SLAMF1: variants seen among roughly 807,000 people sequenced by gnomAD.
SLAMF1 encodes signaling lymphocytic activation molecule family member 1, also known as signaling lymphocytic activation molecule.
SLAMF1 carries 18 observed loss-of-function variants against 35.1 expected under a neutral mutation model. That is an observed-to-expected ratio of 0.51 (90% CI 0.35 to 0.76). The LOEUF (loss-of-function observed/expected upper bound fraction) is 0.76. SLAMF1 is among the 30% of genes least tolerant of loss of function. The pLI, the probability that SLAMF1 is intolerant of heterozygous loss-of-function variation, is 0.01. For synonymous variants in SLAMF1, 168 were observed against 157.2 expected (o/e 1.07, Z -0.51); for missense variants, 392 against 413.0 (o/e 0.95, Z 0.44).
In SLAMF1 at chr1:160,637,495, C is replaced by T. The variant is rs375835133; in HGVS notation, c.111G>A (p.Arg37=). 4.5e-4 allele frequency: 726 copies of T among 1,612,564 alleles called. 10 individuals carry two copies. The South Asian group carries it at 7.6e-3, about 17-fold the overall frequency. The change falls in exon 2 of 7, where the codon CGG becomes CGA. Residue 37 remains arginine, a synonymous_variant. Coordinates refer to ENST00000302035, the MANE Select transcript of SLAMF1 (RefSeq NM_003037.5). ...GCAGCAGCACTTTGCTTCCCAACTG[C>T]CGGAGAATCTTTGGGCAGTTCATCA... ...GRMMNCPKIL[R]QLGSKVLLPL...
intron 3 of SLAMF1, among the ~76,000 whole-genome samples, chr1:160,632,806 T>C (rs966618595): frequency 2.0e-5 from 3 of 152,210 alleles, no homozygotes; most frequent in African/African-American, 7.2e-5. Flanking sequence ...ATTTTTATTA[T>C]GGTTTATAAG....
chr1:160,619,649 T>C (rs576592398), intron 5 of SLAMF1, 127 bp downstream of exon 5: 16 of 714,970 alleles, frequency 2.2e-5, no homozygotes, highest in Non-Finnish European at 4.0e-5. Context: ...CTCTTGTTCT[T>C]GACTCCTGTT....
In SLAMF1 at chr1:160,615,708, A is replaced by G. The variant is rs139116513; in HGVS notation, c.865-3128T>C. The G allele has an allele frequency of 1.7e-3, 575 of 331,858 alleles. 7 individuals carry two copies. Among genetic ancestry groups the G allele is most frequent in the African/African-American group, 0.012 (526 of 45,228 alleles). The allele number at this position is 331,858 out of a possible 1,614,324, so 20.6% of individuals were successfully genotyped here. ...TAAAGGTCTTCACAGATGTCAAGAT[A>G]AGGATTTCAAAATAAGGTCATCCTG... On this transcript the variant is annotated intron_variant, in intron 5 of 6. Coordinates refer to ENST00000302035, the MANE Select transcript of SLAMF1 (RefSeq NM_003037.5).
intron 5 of SLAMF1, among the ~76,000 whole-genome samples, chr1:160,619,035 C>T (rs549742247): frequency 6.6e-6 from 1 of 152,312 alleles, no homozygotes; most frequent in South Asian, 2.1e-4. Context: ...TTCTAAGGTA[C>T]TATCAAAACC....
In SLAMF1 at chr1:160,642,014, ACT is replaced by A. The variant is rs576721806; in HGVS notation, c.77-4487_77-4486del. Among the ~76,000 whole-genome samples the A allele has an allele frequency of 1.7e-4, 26 of 151,766 alleles. No homozygotes were observed. The East Asian group carries it at 4.1e-3, about 24-fold the overall frequency. On this transcript the variant is annotated intron_variant, in intron 1 of 6. Transcript: ENST00000302035. The surrounding 1 kb of genome is among the most constrained non-coding windows in gnomAD (Gnocchi z 4.2). The stretch of plus-strand genomic sequence containing the variant: ...CAAGATGGGCTTCTACCTAATGATA[ACT>A]CTTTTTGTTTTATTGTATTATATTT...
chr1:160,641,503 T>C (rs1660744916), intron 1 of SLAMF1, among the ~76,000 whole-genome samples: 1 of 150,876 alleles, frequency 6.6e-6, no homozygotes, highest in Non-Finnish European at 1.5e-5. Flanking sequence ...CGAAAGAACA[T>C]AGAAGGAGAA....
At chr1:160,622,936 C>G (rs1365080799) in intron 4 of SLAMF1, among the ~76,000 whole-genome samples, 2 of 152,164 alleles carry the variant, frequency 1.3e-5, no homozygotes, top group Non-Finnish European at 2.9e-5. Context: ...GGTGCAGCAA[C>G]TAAATATAAA....
intron 4 of SLAMF1, among the ~76,000 whole-genome samples, chr1:160,621,915 G>C (rs1659636104): frequency 6.6e-6 from 1 of 151,216 alleles, no homozygotes; most frequent in Non-Finnish European, 1.5e-5. Context: ...TCAAGAAGCA[G>C]TTGGAGGTAG....
intron 3 of SLAMF1, among the ~76,000 whole-genome samples, chr1:160,625,831 G>C (rs1190075539): frequency 8.1e-6 from 1 of 123,754 alleles, no homozygotes; most frequent in African/African-American, 3.6e-5. Flanking sequence ...AGGAGTGTGT[G>C]TGTGTGTGTG....
intron 4 of SLAMF1, among the ~76,000 whole-genome samples, chr1:160,621,855 CGT>C (rs59676823): frequency 0.18 from 26,614 of 145,040 alleles, 2,863 homozygotes; most frequent in Non-Finnish European, 0.24. Context: ...TGCGTGAGTG[CGT>C]GTGTGTGTGT....
At chr1:160,630,673 G>T (rs1227123059) in intron 3 of SLAMF1, among the ~76,000 whole-genome samples, 1 of 151,976 alleles carries the variant, frequency 6.6e-6, no homozygotes, top group South Asian at 2.1e-4. Flanking sequence ...CTGCAATAAT[G>T]GCCCCCAGGA....
At position 160,642,380 on chromosome 1, in the gene SLAMF1, A is replaced by C. The variant is rs762106178; in HGVS notation, c.76+4490T>G. On this transcript the variant is annotated intron_variant, in intron 1 of 6. Transcript: ENST00000302035. This position sits in a 1 kb window ranked among gnomAD's most constrained non-coding sequence, Gnocchi z 4.2. ...CTCTTTCATAGGGAAGACTTTCCTGACTCCTGACTTAGGTTGGGTTTTCCT... is the reference window on the plus strand; with the variant it reads ...CTCTTTCATAGGGAAGACTTTCCTGCCTCCTGACTTAGGTTGGGTTTTCCT... 6.6e-6 allele frequency among the ~76,000 whole-genome samples: 1 copy of C among 151,626 alleles called. No individual in the cohort carries two copies. The highest frequency in any genetic ancestry group is 1.5e-5 in the Non-Finnish European group (1 of 67,910).
intron 1 of SLAMF1, 74 bp downstream of exon 1, chr1:160,646,796 T>C (rs1661059734): frequency 1.2e-6 from 1 of 824,772 alleles, no homozygotes; most frequent in African/African-American, 1.7e-5. Flanking sequence ...CTGCACCTTC[T>C]CTCCATCCAC....
chr1:160,628,076 C>G (rs1015090251), intron 3 of SLAMF1, among the ~76,000 whole-genome samples: 1 of 152,212 alleles, frequency 6.6e-6, no homozygotes, highest in Non-Finnish European at 1.5e-5. Context: ...CCTCTCCAGC[C>G]ATGTGGAACT....
intron 4 of SLAMF1, 33 bp from the exon 5 acceptor site, chr1:160,619,882 T>G: frequency 7.0e-7 from 1 of 1,438,752 alleles, no homozygotes; most frequent in Non-Finnish European, 9.8e-7. Flanking sequence ...GTTATCTCCC[T>G]CTGGTCCCCA....
In SLAMF1 at chr1:160,646,853, G is replaced by A. The variant is rs376867812; in HGVS notation, c.76+17C>T. 6.8e-7 allele frequency: 1 copy of A among 1,479,266 alleles called. No individual in the cohort carries two copies. Among genetic ancestry groups the A allele is most frequent in the Admixed American group, 1.7e-5 (1 of 59,444 alleles). 91.6% of individuals were successfully genotyped at this position (1,479,266 alleles called of 1,614,324 possible). The stretch of plus-strand genomic sequence containing the variant: ...AGCTAACATGGGACTCAAACCATCA[G>A]GCAGATGAACACTCACCTGTTCCGT... On this transcript the variant is annotated intron_variant, in intron 1 of 6. Transcript: ENST00000302035.
rs61673208 is a variant in SLAMF1, at chr1:160,646,278, T to C, written c.76+592A>G. On this transcript the variant is annotated intron_variant, in intron 1 of 6. Transcript: ENST00000302035. The stretch of plus-strand genomic sequence containing the variant: ...TTCAGAAATCCCAACTTCTTCCCTC[T>C]TGCTTTCTTGGACCTTCTCTTCCAA... Among the ~76,000 whole-genome samples the C allele has an allele frequency of 8.4e-3, 1,282 of 152,298 alleles. 14 individuals carry two copies. The highest frequency in any genetic ancestry group is 0.028 in the African/African-American group (1,172 of 41,552).
intron 3 of SLAMF1, among the ~76,000 whole-genome samples, chr1:160,625,917 G>A (rs1159178429): frequency 6.6e-6 from 1 of 151,868 alleles, no homozygotes; most frequent in Admixed American, 6.6e-5. Flanking sequence ...TCGACACTAG[G>A]AACCACTGGA....
At chr1:160,630,460 C>T (rs912831576) in intron 3 of SLAMF1, among the ~76,000 whole-genome samples, 14 of 152,154 alleles carry the variant, frequency 9.2e-5, no homozygotes, top group Admixed American at 3.3e-4. Context: ...CACCATTAAC[C>T]GCTGTGAGGT....
Sources: allele counts gnomAD v4.1 joint callset (sites outside exome capture counted in the v4.1 genomes callset), GRCh38; gene constraint gnomAD v4.1.1; non-coding constraint Gnocchi (gnomAD v3.1); transcripts MANE v1.5; gene names NCBI Gene and HGNC (gene_info 2026-07-23, HGNC 2026-07-21).